Variants in ARHGAP8 observed in about 807,000 individuals in gnomAD.
ARHGAP8 encodes the protein Rho GTPase activating protein 8, also known as rho GTPase-activating protein 8.
A neutral mutation model predicts 46.1 loss-of-function variants in ARHGAP8; 62 were observed. That is an observed-to-expected ratio of 1.34 (90% CI 1.10 to 1.66). The LOEUF (loss-of-function observed/expected upper bound fraction) is 1.66, where lower values mean the gene tolerates loss of function less well. Ranked by LOEUF, ARHGAP8 falls within the 40% of genes most tolerant of loss-of-function variation. ARHGAP8 has a pLI of 0.00. For missense variants in ARHGAP8, 923 were observed against 568.4 expected (o/e 1.62, Z -6.34); for synonymous variants, 375 against 243.1 (o/e 1.54, Z -5.05).
intron 8 of ARHGAP8, among the ~76,000 whole-genome samples, chr22:44,847,010 T>TGGGAGTGCGG (rs2069973730): frequency 6.6e-6 from 1 of 152,116 alleles, no homozygotes; most frequent in African/African-American, 2.4e-5. Context: ...CTCGTGGCTG[T>TGGGAGTGCGG]GGGAGTGCGG....
At position 44,791,123 on chromosome 22, in the gene ARHGAP8, C is replaced by T. The variant is rs545058885; in HGVS notation, c.79+4517C>T. Among the ~76,000 whole-genome samples the T allele has an allele frequency of 4.6e-5, 7 of 152,206 alleles. 1 individual carries two copies. In the Middle Eastern group the frequency reaches 0.024, roughly 518 times the overall value. On this transcript the variant is annotated intron_variant, in intron 2 of 11. Coordinates refer to ENST00000356099, the MANE Select transcript of ARHGAP8 (RefSeq NM_181335.3). The stretch of plus-strand genomic sequence containing the variant: ...AACCTTCCAGATTATTCATCCTTCT[C>T]CCAGCAAAAAGAAAACTAATTGGAA...
intron 3 of ARHGAP8, 55 bp from the exon 4 acceptor site, chr22:44,808,252 G>A: frequency 1.3e-6 from 2 of 1,580,164 alleles, no homozygotes; most frequent in Admixed American, 1.7e-5. Flanking sequence ...AAGCACGTTT[G>A]GTTTCAATAA....
At chr22:44,859,596 G>C (rs2070363619) in intron 10 of ARHGAP8, 135 bp from the exon 11 acceptor site, 1 of 868,166 alleles carries the variant, frequency 1.2e-6, no homozygotes, top group Non-Finnish European at 1.8e-6. Context: ...AAGATAAGTG[G>C]GGGTCCCAAG....
At chr22:44,839,529 G>T (rs963724407) in intron 7 of ARHGAP8, among the ~76,000 whole-genome samples, 2 of 152,148 alleles carry the variant, frequency 1.3e-5, no homozygotes, top group African/African-American at 2.4e-5. Context: ...CGTTCCCAGG[G>T]GGCCGTGGAG....
At chr22:44,862,175 T>G (rs931086961) in intron 11 of ARHGAP8, 100 bp from the exon 12 acceptor site, 67 of 1,425,046 alleles carry the variant, frequency 4.7e-5, no homozygotes, top group Non-Finnish European at 5.5e-5. Context: ...CCAGTGCTCC[T>G]CTCACTACAC....
intron 1 of ARHGAP8, among the ~76,000 whole-genome samples, chr22:44,767,646 C>G (rs1210620239): frequency 2.6e-5 from 4 of 151,926 alleles, no homozygotes; most frequent in African/African-American, 4.8e-5. Context: ...CAACCCCCTA[C>G]CACCTCCCTC....
chr22:44,862,654 G>A lies in ARHGAP8; in HGVS notation c.*59G>A, dbSNP rs1483700179. ...CCCACACCTGTCTGTGCACTTGTAT[G>A]TTTTGTAAACTTGGCATCTGTAAAA... On this transcript the variant is annotated 3_prime_UTR_variant, in exon 12 of 12. Coordinates refer to ENST00000356099, the MANE Select transcript of ARHGAP8 (RefSeq NM_181335.3). 1 of 1,500,158 alleles carries A rather than the reference G, an allele frequency of 6.7e-7. No homozygotes were observed. The highest frequency in any genetic ancestry group is 8.9e-7 in the Non-Finnish European group (1 of 1,124,394). The allele number at this position is 1,500,158 out of a possible 1,614,324, so 92.9% of individuals were successfully genotyped here. A position where few individuals can be genotyped will look rare whatever the true frequency, so the allele number is the denominator to read the frequency against.
chr22:44,759,687 C>T (rs1009956790), intron 1 of ARHGAP8, among the ~76,000 whole-genome samples: 4 of 152,192 alleles, frequency 2.6e-5, no homozygotes, highest in Non-Finnish European at 5.9e-5. Context: ...TCAGAAGTAT[C>T]CTGGAGCCTC....
intron 2 of ARHGAP8, among the ~76,000 whole-genome samples, chr22:44,797,979 ATTTTTTTTT>A (rs36101080): frequency 2.3e-5 from 3 of 128,608 alleles, no homozygotes; most frequent in Middle Eastern, 4.9e-3. Flanking sequence ...GGCCAATAAG[ATTTTTTTTT>A]TTTTTTTTGA....
At chr22:44,758,323 G>A (rs1242380506) in intron 1 of ARHGAP8, among the ~76,000 whole-genome samples, 1 of 152,148 alleles carries the variant, frequency 6.6e-6, no homozygotes, top group East Asian at 1.9e-4. Context: ...TCGGGAGGCT[G>A]AGGCAGGAGA....
At chr22:44,754,039 A>G (rs1400727822) in intron 1 of ARHGAP8, among the ~76,000 whole-genome samples, 1 of 152,178 alleles carries the variant, frequency 6.6e-6, no homozygotes, top group Non-Finnish European at 1.5e-5. Flanking sequence ...GAAGAGGGAC[A>G]TGGGATGTGG....
rs181027164 is a variant in ARHGAP8 at position 44,778,658 on chromosome 22, T to C, written c.-71-7799T>C. On this transcript the variant is annotated intron_variant, in intron 1 of 11. Coordinates refer to ENST00000356099, the MANE Select transcript of ARHGAP8 (RefSeq NM_181335.3). ...TATTCCTGCCAGCTGTGTAGAAGTG[T>C]TCCCTGTTCACCGCAGCCACGCCAA... is the stretch of plus-strand genomic sequence containing the variant. Among the ~76,000 whole-genome samples the C allele has an allele frequency of 1.1e-4, 16 of 152,338 alleles. No individual in the cohort carries two copies. The East Asian group carries it at 2.7e-3, about 26-fold the overall frequency.
chr22:44,859,551 A>C (rs1344607124), intron 10 of ARHGAP8, 180 bp from the exon 11 acceptor site: 1 of 630,106 alleles, frequency 1.6e-6, no homozygotes, highest in South Asian at 1.9e-5. Flanking sequence ...GAATAGCCAA[A>C]CACACAGGTT....
chr22:44,758,153 GTGAAGAGGCATC>G (rs1451757999), intron 1 of ARHGAP8, among the ~76,000 whole-genome samples: 1 of 152,174 alleles, frequency 6.6e-6, no homozygotes, highest in Non-Finnish European at 1.5e-5. Context: ...AGATCTTTCT[GTGAAGAGGCATC>G]TGAGGCCGGG....
At chr22:44,767,347 TC>T (rs1925652603) in intron 1 of ARHGAP8, among the ~76,000 whole-genome samples, 1 of 152,146 alleles carries the variant, frequency 6.6e-6, no homozygotes, top group Non-Finnish European at 1.5e-5. Flanking sequence ...CCTCTCTCTC[TC>T]TCTTTTAGCT....
intron 11 of ARHGAP8, among the ~76,000 whole-genome samples, chr22:44,860,547 C>T (rs1015437551): frequency 5.9e-5 from 2 of 33,834 alleles, no homozygotes; most frequent in Non-Finnish European, 8.9e-5. Context: ...ATCTTGAGAT[C>T]CTCAACGACA....
At chr22:44,767,286 C>T (rs1925645775) in intron 1 of ARHGAP8, among the ~76,000 whole-genome samples, 1 of 152,116 alleles carries the variant, frequency 6.6e-6, no homozygotes, top group Non-Finnish European at 1.5e-5. Context: ...ACATACACTC[C>T]TTATCTTGAT....
rs73892327 is a variant in ARHGAP8 at position 44,853,451 on chromosome 22, G to A, written c.877+4391G>A. On this transcript the variant is annotated intron_variant, in intron 10 of 11. Coordinates refer to ENST00000356099, the MANE Select transcript of ARHGAP8 (RefSeq NM_181335.3). ...ACTGGAAATGTTAGCTTGGAGCGTC[G>A]TAGCCAGATATTGGAGGAAAGGAGA... Among the ~76,000 whole-genome samples, 84 of 152,310 alleles carry A rather than the reference G, an allele frequency of 5.5e-4. No homozygotes were observed. The South Asian group carries it at 9.1e-3, about 17-fold the overall frequency.
intron 10 of ARHGAP8, among the ~76,000 whole-genome samples, chr22:44,857,908 C>G (rs938165705): frequency 3.2e-5 from 4 of 126,426 alleles, no homozygotes; most frequent in Non-Finnish European, 6.6e-5. Context: ...GCTCACCAGT[C>G]CTGCCTACTT....
Sources: gnomAD v4.1 joint callset for allele counts (sites outside exome capture counted in the v4.1 genomes callset) on GRCh38, gnomAD v4.1.1 for gene constraint, MANE v1.5 for transcripts, NCBI Gene and HGNC (gene_info 2026-07-23, HGNC 2026-07-21) for gene names.